Variants in ESRRB observed in about 807,000 individuals in gnomAD.
ESRRB encodes steroid hormone receptor ERR2.
Under a neutral mutation model 46.0 loss-of-function variants are expected in ESRRB, and 16 were observed. The observed-to-expected ratio is 0.35, with a 90% CI of 0.24 to 0.53. ESRRB has a LOEUF of 0.53. Ranked by LOEUF, ESRRB falls within the 20% of genes least tolerant of loss-of-function variation. The pLI is 0.93. For missense variants in ESRRB, 488 were observed against 607.4 expected (o/e 0.80, Z 2.07); for synonymous variants, 246 against 259.6 (o/e 0.95, Z 0.50).
chr14:76,493,254 A>C lies in ESRRB; in HGVS notation c.1120+1538A>C, dbSNP rs143574120. Among the ~76,000 whole-genome samples, 627 of 152,228 alleles carry C rather than the reference A, an allele frequency of 4.1e-3. 5 individuals are homozygous for C. Among genetic ancestry groups the C allele is most frequent in the African/African-American group, 0.014 (590 of 41,512 alleles). On this transcript the variant is annotated intron_variant, in intron 6 of 6. Transcript: ENST00000644823. ...ACTGCAACCTCTGCCTCCCGGGTTC[A>C]AGCGATTCTCGTGTCTCAGCCTTCC...
chr14:76,311,818 G>A (rs11627307), intron 1 of ESRRB, among the ~76,000 whole-genome samples: 8,133 of 152,216 alleles, frequency 0.053, 288 homozygotes, highest in Middle Eastern at 0.11. Flanking sequence ...GGCCTTCCCG[G>A]CCACAGTCCT....
chr14:76,452,948 A>G (rs1888455930), intron 2 of ESRRB, among the ~76,000 whole-genome samples: 1 of 152,232 alleles, frequency 6.6e-6, no homozygotes, highest in Non-Finnish European at 1.5e-5. Flanking sequence ...AAGTCTAAGG[A>G]GAGCCTCTAA....
chr14:76,385,617 A>C (rs1295931470), intron 1 of ESRRB, among the ~76,000 whole-genome samples: 1 of 152,218 alleles, frequency 6.6e-6, no homozygotes, highest in East Asian at 1.9e-4. Context: ...TGTTAAGGCC[A>C]GCTTACTGCT....
chr14:76,361,910 T>C (rs1884469345), intron 1 of ESRRB, among the ~76,000 whole-genome samples: 1 of 152,176 alleles, frequency 6.6e-6, no homozygotes. Context: ...CTCCAGGCTC[T>C]GGGGATGAGA....
At chr14:76,479,530 T>C (rs987711046) in intron 3 of ESRRB, among the ~76,000 whole-genome samples, 1 of 152,224 alleles carries the variant, frequency 6.6e-6, no homozygotes, top group Non-Finnish European at 1.5e-5. Flanking sequence ...GGGGAGTTTA[T>C]TGGAAGCCTA....
At chr14:76,449,306 C>G (rs1888282556) in intron 2 of ESRRB, among the ~76,000 whole-genome samples, 1 of 152,062 alleles carries the variant, frequency 6.6e-6, no homozygotes, top group Non-Finnish European at 1.5e-5. Context: ...AATTCCAGCA[C>G]TTTGGGAGGC....
chr14:76,468,661 T>C (rs540169717), intron 3 of ESRRB, among the ~76,000 whole-genome samples: 1 of 152,116 alleles, frequency 6.6e-6, no homozygotes, highest in Non-Finnish European at 1.5e-5. Context: ...TTGGGCCAGT[T>C]ACTTAAACCC....
chr14:76,349,006 C>A (rs1000966752), intron 1 of ESRRB, among the ~76,000 whole-genome samples: 1 of 152,222 alleles, frequency 6.6e-6, no homozygotes, highest in Non-Finnish European at 1.5e-5. Flanking sequence ...AGCAGGCCCC[C>A]CTTCCCACTC....
chr14:76,407,437 G>A (rs112617750), intron 1 of ESRRB: 38 of 610,458 alleles, frequency 6.2e-5, no homozygotes, highest in African/African-American at 4.8e-4. Context: ...AGCCTGCATC[G>A]AGCAGAGCCA....
At chr14:76,388,319 T>C (rs749689234) in intron 1 of ESRRB, among the ~76,000 whole-genome samples, 14 of 151,736 alleles carry the variant, frequency 9.2e-5, no homozygotes, top group Non-Finnish European at 1.9e-4. Context: ...GCTGGGACTA[T>C]AGGCGCCTGC....
At chr14:76,450,322 T>G (rs1026318488) in intron 2 of ESRRB, among the ~76,000 whole-genome samples, 13 of 151,758 alleles carry the variant, frequency 8.6e-5, no homozygotes, top group Admixed American at 2.6e-4. Flanking sequence ...AAAGGCAAAG[T>G]GGAAGGGGCT....
chr14:76,333,153 A>G lies in ESRRB; in HGVS notation c.2+22237A>G, dbSNP rs1317548468. ...TTATATATTATATATTATATATTAT[A>G]TATAATATATATTATATATACTATA... is the stretch of plus-strand genomic sequence containing the variant. On this transcript the variant is annotated intron_variant, in intron 1 of 6. Transcript: ENST00000512784. Among the ~76,000 whole-genome samples, 68 of 15,468 alleles carry G rather than the reference A, an allele frequency of 4.4e-3. 12 individuals are homozygous for G. Among genetic ancestry groups the G allele is most frequent in the African/African-American group, 0.013 (66 of 5,026 alleles). 10.1% of individuals were successfully genotyped at this position (15,468 alleles called of 152,430 possible).
intron 1 of ESRRB, among the ~76,000 whole-genome samples, chr14:76,332,569 ATTT>A (rs1566853042): frequency 3.7e-5 from 2 of 54,234 alleles, no homozygotes; most frequent in Admixed American, 3.9e-4. Context: ...ATATTTATAT[ATTT>A]ATATATTATA....
chr14:76,361,988 G>A (rs1305611616), intron 1 of ESRRB, among the ~76,000 whole-genome samples: 5 of 152,198 alleles, frequency 3.3e-5, no homozygotes, highest in Non-Finnish European at 7.3e-5. Flanking sequence ...TCAGCCACGG[G>A]TTAATGCCTC....
intron 1 of ESRRB, among the ~76,000 whole-genome samples, chr14:76,353,802 A>G (rs1174486365): frequency 1.3e-5 from 2 of 151,880 alleles, no homozygotes; most frequent in Non-Finnish European, 2.9e-5. Flanking sequence ...TGTTAGTTAC[A>G]AAAAAATTAA....
rs1491243811 is a variant in ESRRB at position 76,358,405 on chromosome 14, A to AAGAT, written c.2+47492_2+47493insTAGA. Among the ~76,000 whole-genome samples, 120 of 140,476 alleles carry AAGAT rather than the reference A, an allele frequency of 8.5e-4. 5 individuals are homozygous for AAGAT. Among genetic ancestry groups the AAGAT allele is most frequent in the Non-Finnish European group, 1.3e-3 (87 of 64,904 alleles). The allele number at this position is 140,476 out of a possible 152,430, so 92.2% of individuals were successfully genotyped here. ...AAAGAAAGAAAGAAAGAAAGAAAGAAAGAAAGAAAAGAAAAGAAAAAGAAA... is the reference window on the plus strand; with the variant it reads ...AAAGAAAGAAAGAAAGAAAGAAAGAAAGATAGAAAGAAAAGAAAAGAAAAAGAAA... On this transcript the variant is annotated intron_variant, in intron 1 of 6. Coordinates refer to the ESRRB transcript ENST00000512784.
intron 1 of ESRRB, among the ~76,000 whole-genome samples, chr14:76,377,183 C>T (rs1330511544): frequency 6.6e-6 from 1 of 151,818 alleles, no homozygotes; most frequent in Non-Finnish European, 1.5e-5. Context: ...ATCCGAGCGG[C>T]GTGGGCGCGG....
intron 1 of ESRRB, among the ~76,000 whole-genome samples, chr14:76,421,165 C>T (rs1325102749): frequency 1.3e-5 from 2 of 152,202 alleles, no homozygotes. Flanking sequence ...TTCTCTTCTG[C>T]CCACCTTTAA....
Position 76,499,500 on chromosome 14 carries a change from G to A in ESRRB, c.*1042G>A, listed in dbSNP as rs373422738. On this transcript the variant is annotated 3_prime_UTR_variant, in exon 7 of 7. Coordinates refer to ENST00000644823, the MANE Select transcript of ESRRB (RefSeq NM_001379180.1). ...GTAGGCAGGGGAGCCCCAAAGGGAG[G>A]GAACTCAGCGGGGTGGCCTGCCTCA... The A allele has an allele frequency of 1.8e-3, 676 of 384,362 alleles. 2 individuals are homozygous for A. Among genetic ancestry groups the A allele is most frequent in the Middle Eastern group, 4.3e-3 (5 of 1,176 alleles). The allele number at this position is 384,362 out of a possible 1,614,324, so 23.8% of individuals were successfully genotyped here.
Sources: gnomAD v4.1 joint callset for allele counts (sites outside exome capture counted in the v4.1 genomes callset) on GRCh38, gnomAD v4.1.1 for gene constraint, MANE v1.5 for transcripts, NCBI Gene and HGNC (gene_info 2026-07-23, HGNC 2026-07-21) for gene names.